The following GSK3B variants were observed in gnomAD, a reference collection of about 807,000 sequenced individuals.
GSK3B encodes glycogen synthase kinase 3 beta, also known as glycogen synthase kinase-3 beta.
Under a neutral mutation model 56.4 loss-of-function variants are expected in GSK3B, and 15 were observed. That is an observed-to-expected ratio of 0.27 (90% CI 0.18 to 0.41). The LOEUF (loss-of-function observed/expected upper bound fraction) is 0.41, where lower values mean the gene tolerates loss of function less well. GSK3B is among the 10% of genes least tolerant of loss of function. The pLI, the probability that GSK3B is intolerant of heterozygous loss-of-function variation, is 1.00. For synonymous variants in GSK3B, 181 were observed against 188.9 expected (o/e 0.96, Z 0.34); for missense variants, 300 against 513.4 (o/e 0.58, Z 4.02).
chr3:119,941,898 C>T (rs1016488766), intron 3 of GSK3B, among the ~76,000 whole-genome samples: 2 of 152,166 alleles, frequency 1.3e-5, no homozygotes, highest in Non-Finnish European at 2.9e-5. Flanking sequence ...AGCTACAAAG[C>T]CAGTGCTCTT....
At chr3:119,970,736 G>A (rs1345690544) in intron 2 of GSK3B, among the ~76,000 whole-genome samples, 1 of 151,756 alleles carries the variant, frequency 6.6e-6, no homozygotes, top group Non-Finnish European at 1.5e-5. Context: ...GCAGTGAGCT[G>A]AGATCGCGCC....
chr3:120,080,738 T>C (rs771480205), intron 1 of GSK3B, among the ~76,000 whole-genome samples: 2 of 151,282 alleles, frequency 1.3e-5, no homozygotes, highest in Non-Finnish European at 2.9e-5. Context: ...GGCTGAAGCA[T>C]GAGAATTGCT....
chr3:119,902,870 A>G (rs1288503530), intron 7 of GSK3B, among the ~76,000 whole-genome samples: 1 of 151,872 alleles, frequency 6.6e-6, no homozygotes, highest in Admixed American at 6.6e-5. Context: ...ATGTGCCACT[A>G]TGCCTGGCTA....
chr3:119,948,541 CAG>C (rs1559848863), intron 2 of GSK3B, among the ~76,000 whole-genome samples: 2 of 152,128 alleles, frequency 1.3e-5, no homozygotes, highest in African/African-American at 4.8e-5. Context: ...GAAAATAAGT[CAG>C]AAAGTACAGT....
In GSK3B at chr3:119,863,577, G is replaced by A; in HGVS notation, c.938C>T (p.Ala313Val). 6.2e-7 allele frequency: 1 copy of A among 1,612,728 alleles called. No individual in the cohort carries two copies. Among genetic ancestry groups the A allele is most frequent in the East Asian group, 2.2e-5 (1 of 44,872 alleles). The change falls in exon 9 of 11, where the codon GCA (alanine) becomes GTA (valine). Residue 313 changes from alanine (A) to valine (V), a missense_variant. Around this residue, in one of 6 missense-constraint regions of GSK3B, gnomAD observed 38 missense variants for 58.3 expected, o/e 0.65. Transcript: ENST00000264235. ...KVFRPRTPPE[A>V]IALCSRLLEY... ...CAGCAGACGGCTACACAGTGCAATT[G>A]CCTCCGGTGGAGTTCGGGGTCGGAA...
chr3:119,987,118 T>C (rs1036039342), intron 2 of GSK3B, among the ~76,000 whole-genome samples: 16 of 152,218 alleles, frequency 1.1e-4, no homozygotes, highest in East Asian at 1.9e-4. Flanking sequence ...CAGGTGGGAA[T>C]TGAACAATGA....
At chr3:119,949,954 A>T (rs991875110) in intron 2 of GSK3B, among the ~76,000 whole-genome samples, 1 of 152,108 alleles carries the variant, frequency 6.6e-6, no homozygotes, top group African/African-American at 2.4e-5. Context: ...ATGTGAGGTC[A>T]GGGTAGAAGC....
chr3:120,090,124 T>C (rs1024541685), intron 1 of GSK3B, among the ~76,000 whole-genome samples: 10 of 152,060 alleles, frequency 6.6e-5, no homozygotes, highest in African/African-American at 2.2e-4. Context: ...ATATCTAAAA[T>C]GTTACAGTCA....
intron 9 of GSK3B, among the ~76,000 whole-genome samples, chr3:119,860,378 C>G (rs1299552335): frequency 6.6e-6 from 1 of 152,120 alleles, no homozygotes; most frequent in Non-Finnish European, 1.5e-5. Context: ...ATAATATTGT[C>G]AGTCATGGGG....
chr3:119,830,497 A>G (rs577393086), intron 10 of GSK3B, among the ~76,000 whole-genome samples: 14 of 152,360 alleles, frequency 9.2e-5, no homozygotes, highest in Admixed American at 2.6e-4. Flanking sequence ...GTGACTCCAC[A>G]ACATAAAAAC....
chr3:119,851,906 G>A (rs1195230536), intron 9 of GSK3B, among the ~76,000 whole-genome samples: 1 of 152,146 alleles, frequency 6.6e-6, no homozygotes, highest in Non-Finnish European at 1.5e-5. Context: ...TAATTCAAAT[G>A]CTAAGATGAT....
intron 7 of GSK3B, among the ~76,000 whole-genome samples, chr3:119,901,184 G>T (rs1326579554): frequency 6.6e-6 from 1 of 151,954 alleles, no homozygotes; most frequent in Non-Finnish European, 1.5e-5. Flanking sequence ...CCATGTATCT[G>T]GAACTATATC....
chr3:119,852,909 C>CAGA (rs966965202), intron 9 of GSK3B, among the ~76,000 whole-genome samples: 1 of 152,180 alleles, frequency 6.6e-6, no homozygotes, highest in African/African-American at 2.4e-5. Context: ...TTTTCCTGTG[C>CAGA]AGAAGCTCTT....
At chr3:120,048,586 A>C (rs2058122588) in intron 1 of GSK3B, among the ~76,000 whole-genome samples, 1 of 152,210 alleles carries the variant, frequency 6.6e-6, no homozygotes, top group Admixed American at 6.5e-5. Context: ...TGAAGACTAA[A>C]TGAGTTAATT....
intron 7 of GSK3B, among the ~76,000 whole-genome samples, chr3:119,896,820 TG>T (rs2056572997): frequency 6.6e-6 from 1 of 152,174 alleles, no homozygotes; most frequent in Non-Finnish European, 1.5e-5. Flanking sequence ...ATCTCTCACC[TG>T]CCCCTTCATA....
intron 3 of GSK3B, among the ~76,000 whole-genome samples, chr3:119,940,583 G>C (rs1391390007): frequency 1.3e-5 from 2 of 152,144 alleles, no homozygotes; most frequent in Non-Finnish European, 2.9e-5. Flanking sequence ...GAGCTAGACT[G>C]TGGGGGCTCA....
intron 7 of GSK3B, among the ~76,000 whole-genome samples, chr3:119,888,508 T>C (rs1268322854): frequency 6.6e-6 from 1 of 152,148 alleles, no homozygotes; most frequent in East Asian, 1.9e-4. Context: ...AATCCTGTTA[T>C]CTTCATAAGC....
chr3:119,831,656 CAAA>C (rs112424726), intron 10 of GSK3B, among the ~76,000 whole-genome samples: 1 of 78,158 alleles, frequency 1.3e-5, no homozygotes, highest in Non-Finnish European at 2.9e-5. Flanking sequence ...GACTCCGTCT[CAAA>C]AAAAAAAAAA....
chr3:119,971,841 G>T (rs2057370917), intron 2 of GSK3B, among the ~76,000 whole-genome samples: 1 of 151,480 alleles, frequency 6.6e-6, no homozygotes, highest in African/African-American at 2.4e-5. Context: ...TCGATCTCCT[G>T]ACCTCGTGAT....
Sources: gnomAD v4.1 joint callset for allele counts (sites outside exome capture counted in the v4.1 genomes callset) on GRCh38, gnomAD v4.1.1 for gene constraint, gnomAD v4.1.1 regional missense constraint, MANE v1.5 for transcripts, NCBI Gene and HGNC (gene_info 2026-07-23, HGNC 2026-07-21) for gene names.